Variants in FERMT3 observed in about 807,000 individuals in gnomAD.
FERMT3 encodes the protein FERM domain containing kindlin 3.
FERMT3 carries 33 observed loss-of-function variants against 80.8 expected under a neutral mutation model. That is an observed-to-expected ratio of 0.41 (90% CI 0.31 to 0.55). The LOEUF is 0.55. Among genes scored for constraint, FERMT3 ranks in the 20% least tolerant of loss-of-function variants. The probability of loss-of-function intolerance (pLI) is 0.31; values close to 1 mark genes in which losing one functional copy is unlikely to be tolerated. For synonymous variants in FERMT3, 375 were observed against 372.2 expected (o/e 1.01, Z -0.09); for missense variants, 754 against 908.7 (o/e 0.83, Z 2.19).
chr11:64,219,173 CAG>C lies in FERMT3; in HGVS notation c.787-77_787-76del. On this transcript the variant is annotated intron_variant, in intron 6 of 14. Transcript: ENST00000345728. This position sits in a 1 kb window ranked among gnomAD's most constrained non-coding sequence, Gnocchi z 4.0. ...GGGCAGGGCAGAGGGCCAAGGCTGG[CAG>C]GGGCTCAGTGCAGGGCGTCCAGGGC... 1 of 1,382,350 alleles carries C rather than the reference CAG, an allele frequency of 7.2e-7. No individual in the cohort carries two copies. The allele number at this position is 1,382,350 out of a possible 1,614,324, so 85.6% of individuals were successfully genotyped here.
At chr11:64,207,890 G>A (rs1946349812) in intron 2 of FERMT3, 2 of 198,354 alleles carry the variant, frequency 1.0e-5, no homozygotes, top group South Asian at 8.8e-5. Flanking sequence ...CCTCCCCTTG[G>A]CGGAAGCTTT....
In FERMT3 at chr11:64,219,120, C is replaced by T. The variant is rs1185349123; in HGVS notation, c.787-131C>T. The T allele has an allele frequency of 1.2e-6, 1 of 823,802 alleles. No homozygotes were observed. Among genetic ancestry groups the T allele is most frequent in the East Asian group, 2.7e-5 (1 of 37,488 alleles). 51.0% of individuals were successfully genotyped at this position (823,802 alleles called of 1,614,324 possible). A position where few individuals can be genotyped will look rare whatever the true frequency, so the allele number is the denominator to read the frequency against. On this transcript the variant is annotated intron_variant, in intron 6 of 14. Coordinates refer to ENST00000345728, the MANE Select transcript of FERMT3 (RefSeq NM_031471.6). This position sits in a 1 kb window ranked among gnomAD's most constrained non-coding sequence, Gnocchi z 4.0. Reference sequence around the variant, plus strand: ...GTTGAGGTCTGTGGCCCATGTCTGGCCACTGAATGAATCTGCCTCAGCAAG... The same window carrying T: ...GTTGAGGTCTGTGGCCCATGTCTGGTCACTGAATGAATCTGCCTCAGCAAG...
rs751042460 is a variant in FERMT3 at position 64,223,797 on chromosome 11, G to A, written c.*305G>A. The A allele has an allele frequency of 2.6e-5, 27 of 1,049,270 alleles. No homozygotes were observed. The highest frequency in any genetic ancestry group is 3.8e-5 in the Non-Finnish European group (27 of 717,048). 65.0% of individuals were successfully genotyped at this position (1,049,270 alleles called of 1,614,324 possible). On this transcript the variant is annotated 3_prime_UTR_variant, in exon 15 of 15. Coordinates refer to ENST00000345728, the MANE Select transcript of FERMT3 (RefSeq NM_031471.6). ...CAGCACACAAGGAAGACCAGATGTAGCTACAGGATGATGAAACATGGTTTC... is the reference window on the plus strand; with the variant it reads ...CAGCACACAAGGAAGACCAGATGTAACTACAGGATGATGAAACATGGTTTC...
rs377709296 is a variant in FERMT3 at position 64,209,383 on chromosome 11, C to T, written c.161-1228C>T. ...AGGGCAGGGTCTGGGCCGAGGGCCA[C>T]GCATGGGGAGGCAGCAGAAAATGGC... On this transcript the variant is annotated intron_variant, in intron 2 of 14. Coordinates refer to ENST00000345728, the MANE Select transcript of FERMT3 (RefSeq NM_031471.6). 3.3e-5 allele frequency among the ~76,000 whole-genome samples: 5 copies of T among 152,206 alleles called. No individual in the cohort carries two copies. The East Asian group carries it at 7.7e-4, about 24-fold the overall frequency.
chr11:64,223,843 C>G lies in FERMT3; in HGVS notation c.*351C>G. On this transcript the variant is annotated 3_prime_UTR_variant, in exon 15 of 15. Coordinates refer to ENST00000345728, the MANE Select transcript of FERMT3 (RefSeq NM_031471.6). Reference sequence around the variant, plus strand: ...GTTTCAAACGAGTTCTTTCTTGTTACTTTTTAAAATTTCTTTTTTATAAAT... The same window carrying G: ...GTTTCAAACGAGTTCTTTCTTGTTAGTTTTTAAAATTTCTTTTTTATAAAT... 1 of 1,426,172 alleles carries G rather than the reference C, an allele frequency of 7.0e-7. No homozygotes were observed. The highest frequency in any genetic ancestry group is 9.5e-7 in the Non-Finnish European group (1 of 1,048,746). The allele number at this position is 1,426,172 out of a possible 1,614,324, so 88.3% of individuals were successfully genotyped here.
At chr11:64,221,920 C>G (rs1946691550) in intron 13 of FERMT3, among the ~76,000 whole-genome samples, 1 of 151,282 alleles carries the variant, frequency 6.6e-6, no homozygotes, top group Non-Finnish European at 1.5e-5. Flanking sequence ...GAGCGAAACT[C>G]TGCCTCCAAA....
chr11:64,214,699 C>T (rs996212715), intron 6 of FERMT3, among the ~76,000 whole-genome samples: 2 of 151,840 alleles, frequency 1.3e-5, no homozygotes, highest in African/African-American at 4.8e-5. Context: ...TCCTACTCTC[C>T]GGAGACCTCT....
At chr11:64,212,171 G>T (rs12575642) in intron 6 of FERMT3, among the ~76,000 whole-genome samples, 27,177 of 152,198 alleles carry the variant, frequency 0.18, 2,723 homozygotes, top group Admixed American at 0.29. Flanking sequence ...GGGTGGGTGA[G>T]GAAGGAAGCT....
rs756525841 is a variant in FERMT3, at chr11:64,211,085, G to A, written c.428G>A (p.Arg143Gln). Residue 143 changes from arginine to glutamine, a missense_variant, in exon 4 of 15, where the codon CGG becomes CAG. Physicochemically the swap from Arg to Gln is conservative, Grantham distance 43. Transcript: ENST00000345728. This position sits in a 1 kb window ranked among gnomAD's most constrained non-coding sequence, Gnocchi z 4.7. ...IRHPEELSLL[R>Q]APEKKEKKKK... The stretch of plus-strand genomic sequence containing the variant: ...CACCCCGAGGAGCTGTCCCTGCTCC[G>A]GGCTCCTGAGAAGAAGGAGAAGAAG... 1.4e-5 allele frequency: 22 copies of A among 1,584,434 alleles called. No individual in the cohort carries two copies. The highest frequency in any genetic ancestry group is 1.8e-5 in the Admixed American group (1 of 55,898).
intron 2 of FERMT3, chr11:64,207,782 A>C: frequency 2.2e-6 from 1 of 461,798 alleles, no homozygotes. Flanking sequence ...TCAGCCACCA[A>C]TAGGGGCAGA....
At position 64,207,450 on chromosome 11, in the gene FERMT3, C is replaced by T. The variant is rs144256756; in HGVS notation, c.86C>T (p.Ala29Val). 1.6e-5 allele frequency: 26 copies of T among 1,614,028 alleles called. No individual in the cohort carries two copies. The African/African-American group carries it at 3.5e-4, about 22-fold the overall frequency. ...RVFVGEEDPEAESVTLRVTGE... is the reference protein window; with the variant it reads ...RVFVGEEDPEVESVTLRVTGE... Reference sequence around the variant, plus strand: ...TTTGTGGGAGAGGAGGACCCAGAGGCCGAGTCGGTCACCCTGCGGGTCACT... The same window carrying T: ...TTTGTGGGAGAGGAGGACCCAGAGGTCGAGTCGGTCACCCTGCGGGTCACT... The change falls in exon 2 of 15, where the codon GCC becomes GTC. Residue 29 changes from alanine to valine, a missense_variant. Physicochemically the swap from Ala to Val is moderately conservative, Grantham distance 64. Transcript: ENST00000345728.
intron 2 of FERMT3, among the ~76,000 whole-genome samples, chr11:64,209,970 A>G (rs550179387): frequency 3.9e-5 from 6 of 152,240 alleles, no homozygotes; most frequent in East Asian, 3.9e-4. Context: ...CTCTAATTCA[A>G]TGCTCACTCA....
In FERMT3 at chr11:64,211,638, G is replaced by T. The variant is rs762705540; in HGVS notation, c.684-7G>T. 5 of 1,613,492 alleles carry T rather than the reference G, an allele frequency of 3.1e-6. No homozygotes were observed. The highest frequency in any genetic ancestry group is 4.2e-6 in the Non-Finnish European group (5 of 1,179,950). ...CAGCCCTGACTGCTGCTTCTGCCGC[G>T]GCCCAGGTGGCTGGACTCGTCGCGG... On this transcript the variant is annotated splice_region_variant and splice_polypyrimidine_tract_variant and intron_variant, in intron 5 of 14. Coordinates refer to ENST00000345728, the MANE Select transcript of FERMT3 (RefSeq NM_031471.6). This position sits in a 1 kb window ranked among gnomAD's most constrained non-coding sequence, Gnocchi z 4.7.
In FERMT3 at chr11:64,207,591, C is replaced by T. The variant is rs1946341280; in HGVS notation, c.160+67C>T. On this transcript the variant is annotated intron_variant, in intron 2 of 14. Transcript: ENST00000345728. ...CGGCCGCCACGGGTGTCTCTGGGCA[C>T]TTCCGGGCCATCCCTGCTGCTCAGC... 31 of 1,545,290 alleles carry T rather than the reference C, an allele frequency of 2.0e-5. No homozygotes were observed. In the South Asian group the frequency reaches 3.7e-4, roughly 18 times the overall value.
At chr11:64,212,727 G>T (rs933334965) in intron 6 of FERMT3, among the ~76,000 whole-genome samples, 45 of 151,632 alleles carry the variant, frequency 3.0e-4, no homozygotes, top group African/African-American at 1.0e-3. Flanking sequence ...CTCGGTGTTG[G>T]TGAGCCCCAG....
chr11:64,214,432 G>A (rs532094042), intron 6 of FERMT3, among the ~76,000 whole-genome samples: 3 of 152,028 alleles, frequency 2.0e-5, no homozygotes, highest in South Asian at 2.1e-4. Flanking sequence ...TGCAACCTCC[G>A]CCTCCCGGAT....
chr11:64,220,945 G>A, intron 12 of FERMT3, 71 bp from the exon 13 acceptor site: 1 of 1,583,096 alleles, frequency 6.3e-7, no homozygotes, highest in Non-Finnish European at 8.6e-7. Flanking sequence ...CCCTGATGGG[G>A]AGGTGGGGGC....
intron 6 of FERMT3, among the ~76,000 whole-genome samples, chr11:64,212,368 G>A (rs927511385): frequency 1.3e-5 from 2 of 152,166 alleles, no homozygotes; most frequent in African/African-American, 4.8e-5. Flanking sequence ...GCAAAACATC[G>A]TAGTTGTCTG....
chr11:64,219,200 C>A lies in FERMT3; in HGVS notation c.787-51C>A, dbSNP rs757583477. ...GGGGCTCAGTGCAGGGCGTCCAGGGCAGCTGGCATCTGACCAGCCCAGCCT... is the reference window on the plus strand; with the variant it reads ...GGGGCTCAGTGCAGGGCGTCCAGGGAAGCTGGCATCTGACCAGCCCAGCCT... On this transcript the variant is annotated intron_variant, in intron 6 of 14. Transcript: ENST00000345728. This position sits in a 1 kb window ranked among gnomAD's most constrained non-coding sequence, Gnocchi z 4.0. 4.0e-6 allele frequency: 6 copies of A among 1,512,758 alleles called. No individual in the cohort carries two copies. Among genetic ancestry groups the A allele is most frequent in the Non-Finnish European group, 5.4e-6 (6 of 1,113,304 alleles). The allele number at this position is 1,512,758 out of a possible 1,614,324, so 93.7% of individuals were successfully genotyped here. A position where few individuals can be genotyped will look rare whatever the true frequency, so the allele number is the denominator to read the frequency against.
Sources: allele counts gnomAD v4.1 joint callset (sites outside exome capture counted in the v4.1 genomes callset), GRCh38; gene constraint gnomAD v4.1.1; non-coding constraint Gnocchi (gnomAD v3.1); transcripts MANE v1.5; gene names NCBI Gene and HGNC (gene_info 2026-07-23, HGNC 2026-07-21).